COL21A1: variants seen among roughly 807,000 people sequenced by gnomAD.
The protein encoded by COL21A1 is collagen alpha-1(XXI) chain.
A neutral mutation model predicts 137.9 loss-of-function variants in COL21A1; 149 were observed. That is an observed-to-expected ratio of 1.08 (90% confidence interval 0.95 to 1.24). The LOEUF (loss-of-function observed/expected upper bound fraction) is 1.24. COL21A1 is among the 50% of genes most tolerant of loss of function. The probability of loss-of-function intolerance (pLI) is 0.00; values close to 1 mark genes in which losing one functional copy is unlikely to be tolerated. For missense variants in COL21A1, 1,167 were observed against 1,158.4 expected, an observed-to-expected ratio of 1.01 and a Z score of -0.11; for synonymous variants, 456 against 391.5, an observed-to-expected ratio of 1.16 and a Z score of -1.95.
rs1319692854 is a variant in COL21A1 at position 56,075,496 on chromosome 6, C to CT, written c.1893dup (p.Gly632ArgfsTer24). The CT allele has an allele frequency of 1.3e-6, 2 of 1,537,118 alleles. No homozygotes were observed. The highest frequency in any genetic ancestry group is 2.1e-5 in the Admixed American group (1 of 48,108). On this transcript the variant is annotated frameshift_variant, in exon 19 of 30. Transcript: ENST00000244728. LOFTEE classifies it high-confidence loss of function. ...CAACATACAGGCATCCCTGGGGCTC[C>CT]TTTTTTTCCTTGCTGTCCTGGAGGC...
At chr6:56,320,633 A>G (rs1435411725) in intron 1 of COL21A1, among the ~76,000 whole-genome samples, 3 of 151,968 alleles carry the variant, frequency 2.0e-5, no homozygotes, top group Non-Finnish European at 2.9e-5. Flanking sequence ...CTCACCAATC[A>G]GGGTCTGCCT....
intron 1 of COL21A1, among the ~76,000 whole-genome samples, chr6:56,377,706 A>C (rs934370773): frequency 2.6e-5 from 4 of 152,104 alleles, no homozygotes; most frequent in East Asian, 3.9e-4. Context: ...CAGTGGATTG[A>C]GGAGGCACAC....
rs111426610 is a variant in COL21A1, at chr6:56,333,688, G to A, written c.-39+60283C>T. On this transcript the variant is annotated intron_variant, in intron 1 of 28. Coordinates refer to the COL21A1 transcript ENST00000370819. The stretch of plus-strand genomic sequence containing the variant: ...GGATCATGTAGGTTAAGTTTCTTAA[G>A]AAACTATCAACCTATATTCCAAAGT... 2.9e-3 allele frequency among the ~76,000 whole-genome samples: 444 copies of A among 152,162 alleles called. 2 individuals carry two copies. Among genetic ancestry groups the A allele is most frequent in the African/African-American group, 0.01 (433 of 41,526 alleles).
At chr6:56,091,425 G>GA (rs1768804330) in intron 17 of COL21A1, 1 of 152,524 alleles carries the variant, frequency 6.6e-6, no homozygotes, top group Admixed American at 6.6e-5. Flanking sequence ...TTTATTCCTG[G>GA]AAAAATGAGA....
At chr6:56,083,590 G>A (rs2114164427) in intron 17 of COL21A1, among the ~76,000 whole-genome samples, 2 of 151,990 alleles carry the variant, frequency 1.3e-5, no homozygotes, top group South Asian at 4.1e-4. Flanking sequence ...AGAGGAGGGA[G>A]TTGTCATATT....
intron 1 of COL21A1, among the ~76,000 whole-genome samples, chr6:56,257,728 A>G (rs1465579855): frequency 6.6e-6 from 1 of 152,212 alleles, no homozygotes; most frequent in Non-Finnish European, 1.5e-5. Context: ...TTTATTAATG[A>G]ACAGTGAAAT....
intron 1 of COL21A1, among the ~76,000 whole-genome samples, chr6:56,287,395 C>G (rs1763941578): frequency 6.6e-6 from 1 of 152,034 alleles, no homozygotes; most frequent in African/African-American, 2.4e-5. Context: ...AATTGTAATC[C>G]TTAGTGTTGG....
At chr6:56,229,733 T>G (rs1781428693) in intron 1 of COL21A1, among the ~76,000 whole-genome samples, 1 of 151,938 alleles carries the variant, frequency 6.6e-6, no homozygotes. Context: ...AATGTTCCAG[T>G]GCAGAAATAT....
intron 3 of COL21A1, among the ~76,000 whole-genome samples, chr6:56,172,936 CA>C (rs1299879668): frequency 6.7e-6 from 1 of 149,994 alleles, no homozygotes; most frequent in East Asian, 2.0e-4. Context: ...GACATCACTA[CA>C]AAAAAAGCAA....
rs1380376432 is a variant in COL21A1, at chr6:56,170,825, C to G, written c.850G>C (p.Val284Leu). 1 of 1,610,972 alleles carries G rather than the reference C, an allele frequency of 6.2e-7. No individual in the cohort carries two copies. The highest frequency in any genetic ancestry group is 1.7e-4 in the Middle Eastern group (1 of 6,056). ...TTGACTTTAAATCTTTGAGTAGACA[C>G]AAATACATATGATGGAGGAAGACCT... is the stretch of plus-strand genomic sequence containing the variant. Reference protein sequence around the residue: ...PEGLPPSYVFVSTQRFKVKKI... With the variant: ...PEGLPPSYVFLSTQRFKVKKI... The change falls in exon 5 of 30, where the codon GTG becomes CTG. Residue 284 changes from valine (V) to leucine (L), a missense_variant. Val to Leu is a conservative substitution (Grantham distance 32, BLOSUM62 1). Coordinates refer to ENST00000244728, the MANE Select transcript of COL21A1 (RefSeq NM_030820.4).
intron 1 of COL21A1, among the ~76,000 whole-genome samples, chr6:56,186,470 C>A (rs1431395132): frequency 1.3e-5 from 2 of 152,162 alleles, no homozygotes; most frequent in Non-Finnish European, 2.9e-5. Flanking sequence ...CATACCATTT[C>A]TATTCAAAAA....
intron 16 of COL21A1, among the ~76,000 whole-genome samples, chr6:56,118,518 C>T (rs1772143424): frequency 6.6e-6 from 1 of 151,954 alleles, no homozygotes; most frequent in Non-Finnish European, 1.5e-5. Context: ...GAACTAATAC[C>T]AATCCTACTC....
chr6:56,170,507 T>C (rs1414520177), intron 5 of COL21A1, 142 bp downstream of exon 5: 1 of 643,278 alleles, frequency 1.6e-6, no homozygotes. Flanking sequence ...GTTAGTTTTC[T>C]TCAACACAGA....
intron 1 of COL21A1, among the ~76,000 whole-genome samples, chr6:56,289,233 A>G (rs1234976062): frequency 6.6e-6 from 1 of 152,202 alleles, no homozygotes; most frequent in Non-Finnish European, 1.5e-5. Flanking sequence ...CCATGCTAGC[A>G]GCTAAAAGAA....
chr6:56,317,821 T>A (rs1387638501), intron 1 of COL21A1, among the ~76,000 whole-genome samples: 2 of 152,188 alleles, frequency 1.3e-5, no homozygotes, highest in African/African-American at 4.8e-5. Context: ...ATGATCCACC[T>A]TCCTTCACCT....
Position 56,143,499 on chromosome 6 carries a change from C to T in COL21A1, c.1435-1516G>A, listed in dbSNP as rs139672033. 6.5e-3 allele frequency among the ~76,000 whole-genome samples: 986 copies of T among 152,184 alleles called. 12 individuals carry two copies. The highest frequency in any genetic ancestry group is 0.021 in the African/African-American group (889 of 41,538). ...ACAGGCGTGAGCCACTGCACCCGGC[C>T]GACTATACAATTTTTTATCACCAAC... On this transcript the variant is annotated intron_variant, in intron 10 of 29. Coordinates refer to ENST00000244728, the MANE Select transcript of COL21A1 (RefSeq NM_030820.4).
chr6:56,059,550 TA>T (rs1233717225), intron 28 of COL21A1, among the ~76,000 whole-genome samples: 4 of 152,010 alleles, frequency 2.6e-5, no homozygotes, highest in Non-Finnish European at 4.4e-5. Flanking sequence ...TATATACTAT[TA>T]AACAAAAAGG....
chr6:56,207,107 C>A (rs779846426), intron 1 of COL21A1, among the ~76,000 whole-genome samples: 1 of 151,908 alleles, frequency 6.6e-6, no homozygotes, highest in Non-Finnish European at 1.5e-5. Context: ...AAAATTGACA[C>A]CCTAACATCA....
chr6:56,266,561 C>A (rs1262916961), intron 1 of COL21A1, among the ~76,000 whole-genome samples: 1 of 152,190 alleles, frequency 6.6e-6, no homozygotes, highest in Admixed American at 6.5e-5. Context: ...CTGACTCCTG[C>A]TAGATGCAAT....
Sources: allele counts gnomAD v4.1 joint callset (sites outside exome capture counted in the v4.1 genomes callset), GRCh38; gene constraint gnomAD v4.1.1; transcripts MANE v1.5; gene names NCBI Gene and HGNC (gene_info 2026-07-23, HGNC 2026-07-21).